SYT1: variants seen among roughly 807,000 people sequenced by gnomAD.
SYT1 encodes synaptotagmin 1.
Under a neutral mutation model 44.8 loss-of-function variants are expected in SYT1, and 8 were observed. The ratio of observed to expected loss-of-function variants is 0.18; its 90% CI spans 0.10 to 0.32. SYT1 has a LOEUF of 0.32. SYT1 is among the 10% of genes least tolerant of loss of function. SYT1 has a pLI of 1.00. For synonymous variants in SYT1, 154 were observed against 188.8 expected, an observed-to-expected ratio of 0.82 and a Z score of 1.51; for missense variants, 286 against 509.3, an observed-to-expected ratio of 0.56 and a Z score of 4.22.
rs1277413558 is a variant in SYT1, at chr12:78,865,077, A to C, written c.-249A>C. 6.6e-6 allele frequency: 1 copy of C among 152,160 alleles called. No individual in the cohort carries two copies. Among genetic ancestry groups the C allele is most frequent in the Non-Finnish European group, 1.5e-5 (1 of 68,090 alleles). The allele number at this position is 152,160 out of a possible 1,614,324, so 9.4% of individuals were successfully genotyped here. ...CACGCGGGGAGAGCACTGGGGACCG[A>C]GACCCGGCACCACCTCCCGGTCCGC... is the stretch of plus-strand genomic sequence containing the variant. On this transcript the variant is annotated 5_prime_UTR_variant, in exon 1 of 11. Coordinates refer to ENST00000261205, the MANE Select transcript of SYT1 (RefSeq NM_005639.3).
intron 8 of SYT1, among the ~76,000 whole-genome samples, chr12:79,335,472 T>C (rs1370635360): frequency 2.6e-5 from 4 of 151,952 alleles, no homozygotes; most frequent in African/African-American, 9.7e-5. Context: ...AAGGCAGTGG[T>C]TTCCCTTTCC....
intron 4 of SYT1, among the ~76,000 whole-genome samples, chr12:79,255,280 CA>C (rs1376263379): frequency 6.6e-6 from 1 of 152,186 alleles, no homozygotes; most frequent in Non-Finnish European, 1.5e-5. Context: ...CCTGCACCTG[CA>C]AAAGATTATG....
chr12:79,047,750 T>A (rs956786680), intron 3 of SYT1, among the ~76,000 whole-genome samples: 1 of 151,938 alleles, frequency 6.6e-6, no homozygotes, highest in African/African-American at 2.4e-5. Flanking sequence ...ATACTATTGA[T>A]GTGCTTGGTT....
At chr12:78,987,799 A>G (rs1869752580) in intron 2 of SYT1, among the ~76,000 whole-genome samples, 5 of 152,128 alleles carry the variant, frequency 3.3e-5, no homozygotes, top group Admixed American at 2.0e-4. Flanking sequence ...TCCGGAAGAT[A>G]GAAGCAGAGG....
intron 9 of SYT1, among the ~76,000 whole-genome samples, chr12:79,384,026 A>G (rs1884329729): frequency 6.6e-6 from 1 of 152,194 alleles, no homozygotes; most frequent in South Asian, 2.1e-4. Context: ...ACCCTCCTCT[A>G]GGAAACTTAA....
intron 1 of SYT1, among the ~76,000 whole-genome samples, chr12:78,934,678 G>A (rs920644013): frequency 6.6e-6 from 1 of 152,178 alleles, no homozygotes; most frequent in African/African-American, 2.4e-5. Flanking sequence ...AGAAGTTGAA[G>A]TGGAAAATCT....
chr12:78,886,076 T>A (rs1018567615), intron 1 of SYT1, among the ~76,000 whole-genome samples: 4 of 152,000 alleles, frequency 2.6e-5, no homozygotes, highest in Non-Finnish European at 5.9e-5. Flanking sequence ...CTAATTTTTT[T>A]AACATGTTAT....
At chr12:79,343,670 A>G (rs1592984084) in intron 8 of SYT1, among the ~76,000 whole-genome samples, 1 of 152,350 alleles carries the variant, frequency 6.6e-6, no homozygotes, top group African/African-American at 2.4e-5. Flanking sequence ...TCAGTAATAA[A>G]ATATTTGGCA....
intron 3 of SYT1, among the ~76,000 whole-genome samples, chr12:79,135,840 C>T (rs1869155052): frequency 6.6e-6 from 1 of 152,272 alleles, no homozygotes; most frequent in South Asian, 2.1e-4. Flanking sequence ...TTCTGGTGCC[C>T]TTAAGTGTGG....
At chr12:79,140,217 C>A (rs1462933298) in intron 3 of SYT1, among the ~76,000 whole-genome samples, 1 of 152,142 alleles carries the variant, frequency 6.6e-6, no homozygotes, top group Admixed American at 6.5e-5. Flanking sequence ...GGCATTTAGG[C>A]TAAAAATCTG....
intron 3 of SYT1, among the ~76,000 whole-genome samples, chr12:79,154,869 G>A (rs1188121698): frequency 6.6e-6 from 1 of 151,980 alleles, no homozygotes; most frequent in East Asian, 1.9e-4. Flanking sequence ...TCCACTGAAG[G>A]CATATTGCAC....
chr12:79,179,535 A>ATATAGATATATCTATATAGATT (rs1565842540), intron 3 of SYT1, among the ~76,000 whole-genome samples: 1 of 130,420 alleles, frequency 7.7e-6, no homozygotes, highest in Non-Finnish European at 1.6e-5. Context: ...AGATATAGAT[A>ATATAGATATATCTATATAGATT]TAGATATAGA....
intron 1 of SYT1, among the ~76,000 whole-genome samples, chr12:78,966,305 G>A (rs990008397): frequency 1.3e-5 from 2 of 151,232 alleles, no homozygotes; most frequent in East Asian, 1.9e-4. Context: ...TATTTGAATC[G>A]TTTATTTGTC....
intron 2 of SYT1, among the ~76,000 whole-genome samples, chr12:79,014,427 GA>G (rs1266464186): frequency 6.6e-6 from 1 of 152,012 alleles, no homozygotes; most frequent in East Asian, 1.9e-4. Context: ...ATTCTCAAAA[GA>G]AGACATTTAT....
chr12:79,429,580 G>A lies in SYT1; in HGVS notation c.929-14493G>A, dbSNP rs368005932. ...GTCTCACTCTGTCACCCAGGATGGA[G>A]TGCAGTGACGCGATCTCGGCTCACT... is the stretch of plus-strand genomic sequence containing the variant. On this transcript the variant is annotated intron_variant, in intron 9 of 10. Transcript: ENST00000261205. Among the ~76,000 whole-genome samples, 14 of 151,946 alleles carry A rather than the reference G, an allele frequency of 9.2e-5. No individual in the cohort carries two copies. The East Asian group carries it at 1.2e-3, about 13-fold the overall frequency.
chr12:79,221,975 G>C (rs1875191095), intron 4 of SYT1, among the ~76,000 whole-genome samples: 1 of 151,976 alleles, frequency 6.6e-6, no homozygotes, highest in Non-Finnish European at 1.5e-5. Context: ...ATTTTTATAA[G>C]ACAGGCCTGG....
intron 2 of SYT1, among the ~76,000 whole-genome samples, chr12:79,026,658 ATATATATTT>A (rs1472623645): frequency 2.7e-4 from 26 of 96,342 alleles, no homozygotes; most frequent in African/African-American, 7.7e-4. Context: ...GTGTATATAC[ATATATATTT>A]TATATATATA....
intron 3 of SYT1, among the ~76,000 whole-genome samples, chr12:79,196,490 G>T (rs561062894): frequency 6.6e-6 from 1 of 152,090 alleles, no homozygotes; most frequent in South Asian, 2.1e-4. Context: ...CTATATCTGG[G>T]TACTCCTCTC....
chr12:78,881,128 G>T (rs1418984199), intron 1 of SYT1, among the ~76,000 whole-genome samples: 1 of 151,480 alleles, frequency 6.6e-6, no homozygotes, highest in Admixed American at 6.6e-5. Context: ...GAAAACAAAA[G>T]GAAATGCCTC....
Sources: allele counts gnomAD v4.1 joint callset (sites outside exome capture counted in the v4.1 genomes callset), GRCh38; gene constraint gnomAD v4.1.1; transcripts MANE v1.5; gene names NCBI Gene and HGNC (gene_info 2026-07-23, HGNC 2026-07-21).